Variants in GNA13 observed in about 807,000 individuals in gnomAD.
The protein encoded by GNA13 is guanine nucleotide-binding protein subunit alpha-13.
GNA13 carries 4 observed loss-of-function variants against 33.5 expected under a neutral mutation model. The ratio of observed to expected loss-of-function variants is 0.12; its 90% CI spans 0.06 to 0.27. The LOEUF (loss-of-function observed/expected upper bound fraction) is 0.27, where lower values mean the gene tolerates loss of function less well. Among genes scored for constraint, GNA13 ranks in the 10% least tolerant of loss-of-function variants. The pLI is 1.00. For missense variants in GNA13, 319 were observed against 487.2 expected (o/e 0.65, Z 3.25); for synonymous variants, 176 against 183.8 (o/e 0.96, Z 0.34).
intron 2 of GNA13, among the ~76,000 whole-genome samples, chr17:65,033,110 A>T (rs1046195449): frequency 1.4e-5 from 2 of 140,716 alleles, no homozygotes; most frequent in Admixed American, 7.1e-5. Context: ...GACTCCATTT[A>T]AAAAAAAAAA....
intron 2 of GNA13, among the ~76,000 whole-genome samples, chr17:65,040,163 C>T (rs1907402832): frequency 6.6e-6 from 1 of 151,730 alleles, no homozygotes; most frequent in Admixed American, 6.6e-5. Context: ...GGTTCTCTTA[C>T]TAAACTATTA....
At chr17:65,037,353 C>T (rs1331607426) in intron 2 of GNA13, among the ~76,000 whole-genome samples, 2 of 152,120 alleles carry the variant, frequency 1.3e-5, no homozygotes, top group African/African-American at 4.8e-5. Flanking sequence ...TCTCCACTTC[C>T]TCGCCTCTCT....
intron 2 of GNA13, among the ~76,000 whole-genome samples, chr17:65,033,780 C>T (rs996245702): frequency 7.9e-5 from 12 of 151,836 alleles, no homozygotes; most frequent in South Asian, 6.2e-4. Flanking sequence ...TTTGGGAGGC[C>T]GAGGTGGGCG....
chr17:65,048,645 TAGAA>T (rs747626672), intron 2 of GNA13, among the ~76,000 whole-genome samples: 21 of 152,194 alleles, frequency 1.4e-4, no homozygotes, highest in Non-Finnish European at 2.2e-4. Flanking sequence ...TTTGGGAACT[TAGAA>T]AGAAAAACAT....
intron 2 of GNA13, among the ~76,000 whole-genome samples, chr17:65,042,490 A>G (rs1221313738): frequency 6.6e-6 from 1 of 152,116 alleles, no homozygotes; most frequent in African/African-American, 2.4e-5. Context: ...TAATCCCAAC[A>G]CTTTGGGAGG....
chr17:65,030,237 T>C (rs1012663895), intron 2 of GNA13, among the ~76,000 whole-genome samples: 3 of 152,214 alleles, frequency 2.0e-5, no homozygotes, highest in African/African-American at 4.8e-5. Flanking sequence ...TCTGAGCAGA[T>C]TTAGAAACTT....
chr17:65,034,092 A>T (rs1183325785), intron 2 of GNA13, among the ~76,000 whole-genome samples: 1 of 151,050 alleles, frequency 6.6e-6, no homozygotes, highest in African/African-American at 2.4e-5. Context: ...AATATTTGAA[A>T]ATTTCTTTTT....
intron 2 of GNA13, among the ~76,000 whole-genome samples, chr17:65,042,607 C>T (rs1018212001): frequency 2.3e-4 from 35 of 151,824 alleles, no homozygotes; most frequent in Admixed American, 7.9e-4. Flanking sequence ...CATGGTGGTG[C>T]GGGCCTGTAG....
At chr17:65,031,917 A>AGTGTGTGT (rs1423818583) in intron 2 of GNA13, among the ~76,000 whole-genome samples, 2 of 128,184 alleles carry the variant, frequency 1.6e-5, no homozygotes, top group Non-Finnish European at 3.4e-5. Context: ...AGAGAGAGAG[A>AGTGTGTGT]GAGAGTGTGT....
intron 2 of GNA13, among the ~76,000 whole-genome samples, chr17:65,029,736 G>A (rs1567821155): frequency 1.3e-5 from 2 of 152,070 alleles, no homozygotes; most frequent in Non-Finnish European, 2.9e-5. Flanking sequence ...ATTTTACCCT[G>A]TACAGAGCAA....
In GNA13 at chr17:65,011,697, C is replaced by T. The variant is rs1041528789; in HGVS notation, c.*2560G>A. On this transcript the variant is annotated 3_prime_UTR_variant, in exon 4 of 4. Transcript: ENST00000439174. Reference sequence around the variant, plus strand: ...ACACAGGATTAGGCACATTTTATTCCAAATCATAACCATAAAGATTTAGAA... The same window carrying T: ...ACACAGGATTAGGCACATTTTATTCTAAATCATAACCATAAAGATTTAGAA... 3 of 226,520 alleles carry T rather than the reference C, an allele frequency of 1.3e-5. No individual in the cohort carries two copies. The highest frequency in any genetic ancestry group is 6.7e-5 in the African/African-American group (3 of 44,918). 14.0% of individuals were successfully genotyped at this position (226,520 alleles called of 1,614,324 possible).
chr17:65,010,529 C>CTA lies in GNA13; in HGVS notation c.*3727_*3728insTA, dbSNP rs1416550348. Among the ~76,000 whole-genome samples the CTA allele has an allele frequency of 6.6e-6, 1 of 151,998 alleles. No individual in the cohort carries two copies. The highest frequency in any genetic ancestry group is 1.9e-4 in the East Asian group (1 of 5,194). On this transcript the variant is annotated 3_prime_UTR_variant, in exon 4 of 4. Coordinates refer to ENST00000439174, the MANE Select transcript of GNA13 (RefSeq NM_006572.6). ...CAAAACAAAACAAAACAAAACAGTG[C>CTA]TTTTAGTCAAGCAGCACAACACAAG...
At chr17:65,018,326 T>TAA (rs771855243) in intron 2 of GNA13, 23 bp from the exon 3 acceptor site, 174 of 1,150,352 alleles carry the variant, frequency 1.5e-4, no homozygotes, top group Admixed American at 6.2e-4. Flanking sequence ...AGAAAACAAA[T>TAA]AGTTATTAGG....
chr17:65,024,177 C>CG (rs770973976), intron 2 of GNA13, among the ~76,000 whole-genome samples: 1 of 152,066 alleles, frequency 6.6e-6, no homozygotes, highest in Non-Finnish European at 1.5e-5. Context: ...CACCTGAGCC[C>CG]GGGGGTTGAG....
chr17:65,021,521 C>T (rs1192155949), intron 2 of GNA13, among the ~76,000 whole-genome samples: 2 of 152,168 alleles, frequency 1.3e-5, no homozygotes, highest in African/African-American at 2.4e-5. Context: ...AGCAGCTTAT[C>T]GACCCAGTTA....
Position 65,014,857 on chromosome 17 carries a change from C to T in GNA13, c.562-28G>A, listed in dbSNP as rs1174811554. 1 of 1,421,562 alleles carries T rather than the reference C, an allele frequency of 7.0e-7. No individual in the cohort carries two copies. Among genetic ancestry groups the T allele is most frequent in the South Asian group, 1.2e-5 (1 of 82,190 alleles). 88.1% of individuals were successfully genotyped at this position (1,421,562 alleles called of 1,614,324 possible). ...GGAAAAGAAAAAACTTGTTTTATACCTATTAATCCCGAAGTAATGCGAATT... is the reference window on the plus strand; with the variant it reads ...GGAAAAGAAAAAACTTGTTTTATACTTATTAATCCCGAAGTAATGCGAATT... On this transcript the variant is annotated intron_variant, in intron 3 of 3. Coordinates refer to ENST00000439174, the MANE Select transcript of GNA13 (RefSeq NM_006572.6). This position sits in a 1 kb window ranked among gnomAD's most constrained non-coding sequence, Gnocchi z 5.3.
At chr17:65,054,463 C>T (rs1382054653) in intron 1 of GNA13, among the ~76,000 whole-genome samples, 4 of 152,070 alleles carry the variant, frequency 2.6e-5, no homozygotes, top group Non-Finnish European at 4.4e-5. Context: ...AACTGAAAAA[C>T]GGGTGGGGTT....
chr17:65,025,794 C>T (rs1239886961), intron 2 of GNA13, among the ~76,000 whole-genome samples: 1 of 127,316 alleles, frequency 7.9e-6, no homozygotes, highest in Admixed American at 9.2e-5. Context: ...CAGCCTAGAA[C>T]ACATAGAGAG....
rs62065483 is a variant in GNA13, at chr17:65,031,915, A to T, written c.511-13612T>A. Among the ~76,000 whole-genome samples the T allele has an allele frequency of 3.6e-3, 479 of 131,274 alleles. 3 individuals are homozygous for T. The highest frequency in any genetic ancestry group is 3.9e-3 in the Middle Eastern group (1 of 256). 86.1% of individuals were successfully genotyped at this position (131,274 alleles called of 152,430 possible). The stretch of plus-strand genomic sequence containing the variant: ...GAGAGAAAGAGAGAGAGAGAGAGAG[A>T]GAGAGAGTGTGTGTGTGTGTGTGTG... On this transcript the variant is annotated intron_variant, in intron 2 of 3. Transcript: ENST00000439174.
Sources: gnomAD v4.1 joint callset for allele counts (sites outside exome capture counted in the v4.1 genomes callset) on GRCh38, gnomAD v4.1.1 for gene constraint, Gnocchi (gnomAD v3.1) non-coding constraint, MANE v1.5 for transcripts, NCBI Gene and HGNC (gene_info 2026-07-23, HGNC 2026-07-21) for gene names.